The following RPS6KC1 variants were observed in gnomAD, a reference collection of about 807,000 sequenced individuals.
RPS6KC1 encodes the protein inactive ribosomal protein S6 kinase delta-1.
Under a neutral mutation model 103.8 loss-of-function variants are expected in RPS6KC1, and 54 were observed. That is an observed-to-expected ratio of 0.52 (90% CI 0.42 to 0.65). The LOEUF (loss-of-function observed/expected upper bound fraction) is 0.65. RPS6KC1 is among the 30% of genes least tolerant of loss of function. The probability of loss-of-function intolerance (pLI) is 0.00; values close to 1 mark genes in which losing one functional copy is unlikely to be tolerated. For synonymous variants in RPS6KC1, 439 were observed against 438.7 expected (o/e 1.00, Z -0.01); for missense variants, 1,151 against 1,253.8 (o/e 0.92, Z 1.24).
chr1:213,346,296 T>C, the RPS6KC1 span, among the ~76,000 whole-genome samples: 281 of 152,110 alleles, frequency 1.8e-3, no homozygotes, highest in Middle Eastern at 3.4e-3. Flanking sequence ...AATTAACCCA[T>C]AGATAAGGCA....
At chr1:213,805,561 ACTTCTATAATTATT>A in the RPS6KC1 span, among the ~76,000 whole-genome samples, 1 of 152,164 alleles carries the variant, frequency 6.6e-6, no homozygotes, top group Non-Finnish European at 1.5e-5. Context: ...TTCAGGTTCC[ACTTCTATAATTATT>A]CTAGTTTTCT....
At chr1:213,854,445 T>C in the RPS6KC1 span, among the ~76,000 whole-genome samples, 2 of 152,220 alleles carry the variant, frequency 1.3e-5, no homozygotes, top group African/African-American at 4.8e-5. Flanking sequence ...TGCATTTTAT[T>C]TGTAAAGGAA....
At position 213,242,161 on chromosome 1, in the gene RPS6KC1, A is replaced by G. The variant is rs1256043402; in HGVS notation, c.2685A>G (p.Leu895=). 7 of 1,613,962 alleles carry G rather than the reference A, an allele frequency of 4.3e-6. No homozygotes were observed. The South Asian group carries it at 6.6e-5, about 15-fold the overall frequency. The stretch of plus-strand genomic sequence containing the variant: ...AGGACCTTGATAAAAAATTAGCACT[A>G]GCCTCCAGGTTTTACATCCCAGAGG... ...IFEDLDKKLA[L]ASRFYIPEGC... Residue 895 remains leucine, a synonymous_variant, in exon 11 of 15, where the codon CTA becomes CTG. Transcript: ENST00000366960.
chr1:213,646,989 C>T, the RPS6KC1 span, among the ~76,000 whole-genome samples: 1 of 152,000 alleles, frequency 6.6e-6, no homozygotes, highest in Non-Finnish European at 1.5e-5. Context: ...CCTCCACCTC[C>T]CAGGTTCAAG....
chr1:213,518,174 A>G, the RPS6KC1 span, among the ~76,000 whole-genome samples: 1 of 152,200 alleles, frequency 6.6e-6, no homozygotes, highest in Non-Finnish European at 1.5e-5. Context: ...AGAAAAGTCT[A>G]TGTTGTCGTC....
At chr1:213,380,062 A>C in the RPS6KC1 span, among the ~76,000 whole-genome samples, 807 of 152,342 alleles carry the variant, frequency 5.3e-3, 6 homozygotes, top group African/African-American at 0.018. Flanking sequence ...TAGCCAATAC[A>C]TGGAATCAAC....
the RPS6KC1 span, among the ~76,000 whole-genome samples, chr1:213,559,645 G>A: frequency 6.6e-6 from 1 of 152,160 alleles, no homozygotes; most frequent in Non-Finnish European, 1.5e-5. Flanking sequence ...AAGCTTTTGT[G>A]CTGCAACCTT....
chr1:213,317,514 C>T, the RPS6KC1 span, among the ~76,000 whole-genome samples: 1 of 152,170 alleles, frequency 6.6e-6, no homozygotes, highest in East Asian at 1.9e-4. Context: ...ATCAAGGCTC[C>T]ACCCTGATGA....
chr1:213,718,366 C>T, the RPS6KC1 span, among the ~76,000 whole-genome samples: 12 of 152,198 alleles, frequency 7.9e-5, no homozygotes, highest in Non-Finnish European at 1.6e-4. Flanking sequence ...TTGGGATAGA[C>T]ATTATTATCC....
At chr1:213,119,944 C>A (rs1002848437) in intron 5 of RPS6KC1, among the ~76,000 whole-genome samples, 1 of 152,104 alleles carries the variant, frequency 6.6e-6, no homozygotes, top group African/African-American at 2.4e-5. Context: ...AATAATTATA[C>A]CAAGACCACA....
At chr1:213,052,593 T>C (rs1572202146) in intron 1 of RPS6KC1, among the ~76,000 whole-genome samples, 2 of 151,764 alleles carry the variant, frequency 1.3e-5, no homozygotes, top group East Asian at 3.9e-4. Flanking sequence ...CAGGCTGGAG[T>C]GCAATGGCAT....
the RPS6KC1 span, among the ~76,000 whole-genome samples, chr1:213,788,219 A>G: frequency 1.2e-4 from 18 of 152,288 alleles, no homozygotes; most frequent in Admixed American, 2.6e-4. Flanking sequence ...CTCACTCCAT[A>G]CTGAAGATGC....
At chr1:213,849,118 T>G in the RPS6KC1 span, among the ~76,000 whole-genome samples, 1 of 152,202 alleles carries the variant, frequency 6.6e-6, no homozygotes, top group East Asian at 1.9e-4. Flanking sequence ...TCTCTTGCAA[T>G]GGTTAAAGTT....
intron 7 of RPS6KC1, among the ~76,000 whole-genome samples, chr1:213,174,595 G>A (rs142333682): frequency 0.011 from 1,661 of 151,078 alleles, 35 homozygotes; most frequent in African/African-American, 0.037. Context: ...GCTTGAACCC[G>A]GGAGGCAGAG....
intron 6 of RPS6KC1, among the ~76,000 whole-genome samples, chr1:213,153,196 C>T (rs984358245): frequency 6.6e-6 from 1 of 151,784 alleles, no homozygotes; most frequent in African/African-American, 2.4e-5. Context: ...CTAGCTTCGG[C>T]TCAGCATGAG....
chr1:213,437,779 T>A, the RPS6KC1 span, among the ~76,000 whole-genome samples: 1 of 151,936 alleles, frequency 6.6e-6, no homozygotes, highest in Admixed American at 6.5e-5. Flanking sequence ...TCGCTGGGAT[T>A]TTTTTAGCTT....
the RPS6KC1 span, among the ~76,000 whole-genome samples, chr1:213,771,788 A>G: frequency 6.6e-6 from 1 of 152,232 alleles, no homozygotes; most frequent in African/African-American, 2.4e-5. Flanking sequence ...AGCTTTCACC[A>G]AAGCAATTAA....
the RPS6KC1 span, among the ~76,000 whole-genome samples, chr1:213,859,005 G>A: frequency 3.3e-5 from 5 of 152,296 alleles, no homozygotes; most frequent in African/African-American, 1.2e-4. Context: ...CATCTGCATC[G>A]TTTCTCATGA....
At chr1:213,741,207 CTATT>C in the RPS6KC1 span, among the ~76,000 whole-genome samples, 1 of 151,730 alleles carries the variant, frequency 6.6e-6, no homozygotes, top group African/African-American at 2.4e-5. Flanking sequence ...TTAAATCAAA[CTATT>C]AATATATTCA....
Sources: allele counts gnomAD v4.1 joint callset (sites outside exome capture counted in the v4.1 genomes callset), GRCh38; gene constraint gnomAD v4.1.1; transcripts MANE v1.5; gene names NCBI Gene and HGNC (gene_info 2026-07-23, HGNC 2026-07-21).